Variants in RBM10 observed in about 807,000 individuals in gnomAD.
RBM10 encodes RNA binding motif protein 10.
A neutral mutation model predicts 84.9 loss-of-function variants in RBM10; 1 was observed. The ratio of observed to expected loss-of-function variants is 0.01; its 90% CI spans 0.00 to 0.06. The LOEUF is 0.06. RBM10 is among the 10% of genes least tolerant of loss of function. RBM10 has a pLI of 1.00. For synonymous variants in RBM10, 326 were observed against 344.5 expected (o/e 0.95, Z 0.60); for missense variants, 438 against 839.0 (o/e 0.52, Z 5.90).
chrX:47,177,963 G>A (rs1935256993), intron 7 of RBM10, among the ~76,000 whole-genome samples: 1 of 110,935 alleles, frequency 9.0e-6, no homozygotes, highest in Admixed American at 9.5e-5. Flanking sequence ...CCTGCATCCT[G>A]TTGGCCACCA....
At chrX:47,184,764 G>T (rs1486567819) in intron 17 of RBM10, among the ~76,000 whole-genome samples, 1 of 111,586 alleles carries the variant, frequency 9.0e-6, no homozygotes, top group Non-Finnish European at 1.9e-5. Flanking sequence ...TGCCTTGCAG[G>T]CTGTGGTTGC....
rs2147197602 is a variant in RBM10, at chrX:47,182,149, C to T, written c.1786-13C>T. ...TCTTCCCTCACATCCCCTCTTCCCT[C>T]CTCCTCCCTCAGTATTACTACAATG... On this transcript the variant is annotated splice_polypyrimidine_tract_variant and intron_variant, in intron 16 of 23. Coordinates refer to ENST00000377604, the MANE Select transcript of RBM10 (RefSeq NM_005676.5). The T allele has an allele frequency of 2.5e-6, 3 of 1,211,885 alleles. No individual in the cohort carries two copies. Among genetic ancestry groups the T allele is most frequent in the Non-Finnish European group, 3.3e-6 (3 of 895,551 alleles).
At chrX:47,146,478 GCTT>G (rs1932237174) in intron 1 of RBM10, among the ~76,000 whole-genome samples, 1 of 111,632 alleles carries the variant, frequency 9.0e-6, no homozygotes, top group African/African-American at 3.3e-5. Flanking sequence ...GGCTTTACCT[GCTT>G]CTTATTCAGA....
At chrX:47,174,861 T>C (rs1935009345) in intron 5 of RBM10, among the ~76,000 whole-genome samples, 158 bp from the exon 6 acceptor site, 1 of 106,829 alleles carries the variant, frequency 9.4e-6, no homozygotes, top group Non-Finnish European at 1.9e-5. Flanking sequence ...CCCGCTAGTC[T>C]TTCTCTCTCT....
intron 2 of RBM10, chrX:47,156,617 C>T (rs895409516): frequency 1.4e-5 from 2 of 138,402 alleles, no homozygotes; most frequent in Non-Finnish European, 2.8e-5. Context: ...CATGCCACCC[C>T]TCTGGATCTT....
At position 47,145,357 on chromosome X, in the gene RBM10, C is replaced by T. The variant is rs782231263; in HGVS notation, c.-254C>T. The T allele has an allele frequency of 2.0e-6, 2 of 983,153 alleles. No homozygotes were observed. The highest frequency in any genetic ancestry group is 3.3e-5 in the East Asian group (1 of 29,975). 81.0% of individuals were successfully genotyped at this position (983,153 alleles called of 1,213,427 possible). A position where few individuals can be genotyped will look rare whatever the true frequency, so the allele number is the denominator to read the frequency against. ...GCGCTTGGCGCTTCTCCCCTCCCCC[C>T]GATCTGCCTCCAGTCTCGGACTTGG... On this transcript the variant is annotated 5_prime_UTR_variant, in exon 1 of 24. Coordinates refer to ENST00000377604, the MANE Select transcript of RBM10 (RefSeq NM_005676.5).
intron 2 of RBM10, among the ~76,000 whole-genome samples, chrX:47,166,445 G>A (rs1556769042): frequency 3.6e-5 from 4 of 110,959 alleles, no homozygotes; most frequent in Non-Finnish European, 7.6e-5. Context: ...ATCCAATGTA[G>A]TTTTAATTCT....
chrX:47,157,234 C>A, intron 2 of RBM10: 1 of 291,860 alleles, frequency 3.4e-6, no homozygotes. Flanking sequence ...ATTGTGTCCG[C>A]GGAGAATTTC....
chrX:47,145,444 G>A lies in RBM10; in HGVS notation c.-167G>A. On this transcript the variant is annotated 5_prime_UTR_variant, in exon 1 of 24. In the 5' UTR this introduces an upstream ATG that the reference lacks. Coordinates refer to ENST00000377604, the MANE Select transcript of RBM10 (RefSeq NM_005676.5). ...TTGGAGGAGGTGGCGGCGGGCAGAG[G>A]TGATGTCTGGGAGCCCTTCCTTGAC... The A allele has an allele frequency of 1.7e-6, 2 of 1,154,679 alleles. No homozygotes were observed. The highest frequency in any genetic ancestry group is 3.3e-5 in the East Asian group (1 of 30,710).
chrX:47,155,544 AAC>A (rs1297519793), intron 2 of RBM10, among the ~76,000 whole-genome samples: 3 of 107,916 alleles, frequency 2.8e-5, no homozygotes, highest in Non-Finnish European at 1.9e-5. Flanking sequence ...CATCCTGGCT[AAC>A]ACAGTGAAAC....
At chrX:47,166,027 A>T (rs1294836987) in intron 2 of RBM10, among the ~76,000 whole-genome samples, 6 of 107,876 alleles carry the variant, frequency 5.6e-5, no homozygotes, top group Admixed American at 2.0e-4. Flanking sequence ...CTCAAAATTT[A>T]AAAAAAAAAG....
intron 2 of RBM10, among the ~76,000 whole-genome samples, chrX:47,153,859 A>G (rs782402166): frequency 4.0e-4 from 44 of 111,229 alleles, no homozygotes; most frequent in Non-Finnish European, 7.7e-4. Flanking sequence ...GGAATTCGAG[A>G]CGATCCTGGG....
intron 7 of RBM10, among the ~76,000 whole-genome samples, chrX:47,177,496 G>A (rs782257506): frequency 9.0e-6 from 1 of 111,723 alleles, no homozygotes; most frequent in Non-Finnish European, 1.9e-5. Flanking sequence ...GGAGAGTGGT[G>A]CATCTGTTTT....
At chrX:47,157,342 G>A in intron 2 of RBM10, 1 of 325,117 alleles carries the variant, frequency 3.1e-6, no homozygotes, top group Non-Finnish European at 5.9e-6. Flanking sequence ...ACCACACAGG[G>A]TGGCTGTATG....
intron 2 of RBM10, among the ~76,000 whole-genome samples, chrX:47,165,812 G>A (rs1348844288): frequency 9.0e-6 from 1 of 110,883 alleles, no homozygotes; most frequent in Non-Finnish European, 1.9e-5. Context: ...ACGAGGTCAG[G>A]AGTTCGAGAC....
At chrX:47,180,101 G>C in intron 10 of RBM10, 61 bp downstream of exon 10, 1 of 1,200,278 alleles carries the variant, frequency 8.3e-7, no homozygotes, top group Non-Finnish European at 1.1e-6. Context: ...GTGGAGACGA[G>C]GGTCCTTTTC....
chrX:47,179,636 CAG>C, intron 9 of RBM10, 141 bp downstream of exon 9: 1 of 817,063 alleles, frequency 1.2e-6, no homozygotes, highest in Non-Finnish European at 1.8e-6. Context: ...GTAGGGAGAA[CAG>C]GGGGAGTGGC....
At chrX:47,169,545 A>G (rs1459402991) in intron 3 of RBM10, 47 bp downstream of exon 3, 2 of 1,140,056 alleles carry the variant, frequency 1.8e-6, no homozygotes, top group Non-Finnish European at 1.2e-6. Flanking sequence ...ATGGGCTCCC[A>G]AGGGCCCTCT....
Position 47,181,276 on chromosome X carries a change from A to G in RBM10, c.1310A>G (p.Tyr437Cys). The stretch of plus-strand genomic sequence containing the variant: ...GAGGAGCCGCCGGTCGACTACAGCT[A>G]CTACCAACAGGATGAGGGCTATGGC... ...TSEEPPVDYS[Y>C]YQQDEGYGNS... Residue 437 changes from tyrosine to cysteine, a missense_variant, in exon 13 of 24, where the codon TAC (tyrosine) becomes TGC (cysteine). Tyr to Cys is a radical substitution (Grantham distance 194). Around this residue, in one of 8 missense-constraint regions of RBM10, gnomAD observed 97 missense variants for 110.3 expected, o/e 0.88. Transcript: ENST00000377604. The G allele has an allele frequency of 8.5e-7, 1 of 1,180,276 alleles. No homozygotes were observed. Among genetic ancestry groups the G allele is most frequent in the Non-Finnish European group, 1.1e-6 (1 of 879,883 alleles).
Sources: allele counts gnomAD v4.1 joint callset (sites outside exome capture counted in the v4.1 genomes callset), GRCh38; gene constraint gnomAD v4.1.1; regional missense constraint gnomAD v4.1.1; transcripts MANE v1.5; gene names NCBI Gene and HGNC (gene_info 2026-07-23, HGNC 2026-07-21).